The following ERCC6L2 variants were observed in gnomAD, a reference collection of about 807,000 sequenced individuals.
ERCC6L2 encodes the protein DNA excision repair protein ERCC-6-like 2.
A neutral mutation model predicts 132.0 loss-of-function variants in ERCC6L2; 77 were observed. The ratio of observed to expected loss-of-function variants is 0.58; its 90% confidence interval spans 0.49 to 0.71. The LOEUF (loss-of-function observed/expected upper bound fraction) is 0.71. Ranked by LOEUF, ERCC6L2 falls within the 30% of genes least tolerant of loss-of-function variation. The pLI is 0.00. For missense variants in ERCC6L2, 1,542 were observed against 1,837.6 expected (o/e 0.84, Z 2.94); for synonymous variants, 583 against 632.4 (o/e 0.92, Z 1.17).
At chr9:95,966,540 T>G (rs756666321) in intron 13 of ERCC6L2, 22 bp from the exon 14 acceptor site, 9 of 1,445,250 alleles carry the variant, frequency 6.2e-6, no homozygotes, top group Admixed American at 2.0e-5. Flanking sequence ...TTCAAAAATG[T>G]CTTGTGTTTT....
At chr9:95,935,636 A>G (rs1830521793) in intron 11 of ERCC6L2, among the ~76,000 whole-genome samples, 1 of 152,198 alleles carries the variant, frequency 6.6e-6, no homozygotes, top group Non-Finnish European at 1.5e-5. Flanking sequence ...AGGAAAAGTT[A>G]GCCAGGCAAA....
rs563871154 is a variant in ERCC6L2, at chr9:95,914,526, G to T, written c.789-1142G>T. 6.6e-5 allele frequency among the ~76,000 whole-genome samples: 10 copies of T among 152,088 alleles called. No homozygotes were observed. The South Asian group carries it at 1.9e-3, about 28-fold the overall frequency. ...ACGCCACCGCGCCCAGCTAATTTTT[G>T]TATTTTTAGTAGAGACAAGATTTCA... On this transcript the variant is annotated intron_variant, in intron 4 of 18. Coordinates refer to ENST00000653738, the MANE Select transcript of ERCC6L2 (RefSeq NM_020207.7).
At chr9:96,034,870 T>G (rs1834502009) in intron 19 of ERCC6L2, among the ~76,000 whole-genome samples, 2 of 151,272 alleles carry the variant, frequency 1.3e-5, no homozygotes, top group South Asian at 2.1e-4. Context: ...TGGATGAAGC[T>G]GCAACCACCT....
At chr9:95,885,867 T>C (rs1357155144) in intron 2 of ERCC6L2, among the ~76,000 whole-genome samples, 3 of 152,204 alleles carry the variant, frequency 2.0e-5, no homozygotes, top group Admixed American at 2.0e-4. Context: ...TAACAGATGC[T>C]TCAGGTAATT....
intron 6 of ERCC6L2, among the ~76,000 whole-genome samples, chr9:95,917,349 A>G (rs993552368): frequency 4.1e-4 from 62 of 152,202 alleles, no homozygotes; most frequent in African/African-American, 1.5e-3. Flanking sequence ...AGCTTGGGCA[A>G]TGGAATAAAG....
intron 17 of ERCC6L2, among the ~76,000 whole-genome samples, chr9:95,990,216 CAGAA>C (rs1458594599): frequency 1.3e-5 from 2 of 152,192 alleles, no homozygotes; most frequent in Non-Finnish European, 2.9e-5. Context: ...TTATTCTAGA[CAGAA>C]AGACTATTAT....
chr9:95,982,337 TTCTG>T (rs1832927101), intron 17 of ERCC6L2, among the ~76,000 whole-genome samples: 1 of 152,154 alleles, frequency 6.6e-6, no homozygotes, highest in African/African-American at 2.4e-5. Context: ...TAGATTGGCA[TTCTG>T]TAGATTACTT....
chr9:96,036,151 C>T (rs565270895), intron 19 of ERCC6L2, among the ~76,000 whole-genome samples: 18 of 152,260 alleles, frequency 1.2e-4, no homozygotes, highest in South Asian at 2.1e-4. Context: ...GTCTCCAGAA[C>T]GCTTTCCTTT....
In ERCC6L2 at chr9:95,921,237, G is replaced by A; in HGVS notation, c.1221G>A (p.Glu407=). Residue 407 remains glutamate, a synonymous_variant, in exon 7 of 19, where the codon GAG becomes GAA. Coordinates refer to ENST00000653738, the MANE Select transcript of ERCC6L2 (RefSeq NM_020207.7). The stretch of plus-strand genomic sequence containing the variant: ...TCTATCAAACAGTGTTAGAAACAGA[G>A]GACGTGACTTTGATACTTCAATCTT... ...KAVYQTVLET[E]DVTLILQSSE... is the part of the protein sequence containing the mutation. 3 of 1,613,314 alleles carry A rather than the reference G, an allele frequency of 1.9e-6. No homozygotes were observed. The highest frequency in any genetic ancestry group is 2.5e-6 in the Non-Finnish European group (3 of 1,179,430).
In ERCC6L2 at chr9:95,921,155, C is replaced by G; in HGVS notation, c.1159-20C>G. On this transcript the variant is annotated intron_variant, in intron 6 of 18. Transcript: ENST00000653738. ...TTATAAACAAAATACTAATAACTAC[C>G]TTGTATTTTATCTTGGCAGATGGTG... The G allele has an allele frequency of 6.3e-7, 1 of 1,585,810 alleles. No homozygotes were observed. The highest frequency in any genetic ancestry group is 8.6e-7 in the Non-Finnish European group (1 of 1,163,302).
chr9:95,932,110 G>A (rs1243165962), intron 11 of ERCC6L2, among the ~76,000 whole-genome samples: 1 of 150,504 alleles, frequency 6.6e-6, no homozygotes, highest in East Asian at 1.9e-4. Context: ...TCACTCTGTG[G>A]CCCAGGCTGT....
chr9:95,940,611 T>C (rs1464852955), intron 11 of ERCC6L2, among the ~76,000 whole-genome samples: 6 of 152,220 alleles, frequency 3.9e-5, no homozygotes, highest in Admixed American at 2.6e-4. Context: ...TATAATACCA[T>C]TATACTCAGT....
In ERCC6L2 at chr9:96,015,402, G is replaced by A. The variant is rs1337271982; in HGVS notation, c.*2199G>A. ...GGGGTTTCACCATGTTGGCCAGGCT[G>A]GTCTCAATCTCCTGGCTGCAAGCGA... is the stretch of plus-strand genomic sequence containing the variant. On this transcript the variant is annotated 3_prime_UTR_variant, in exon 19 of 19. Transcript: ENST00000653738. Among the ~76,000 whole-genome samples the A allele has an allele frequency of 1.3e-5, 2 of 151,780 alleles. No homozygotes were observed. The highest frequency in any genetic ancestry group is 1.3e-4 in the Admixed American group (2 of 15,262).
At chr9:95,880,776 A>G in intron 1 of ERCC6L2, 93 bp from the exon 2 acceptor site, 1 of 1,115,600 alleles carries the variant, frequency 9.0e-7, no homozygotes, top group South Asian at 1.7e-5. Flanking sequence ...AAAGGCATTT[A>G]TGTGAGGTAT....
chr9:95,965,804 C>T (rs762626549), intron 13 of ERCC6L2, among the ~76,000 whole-genome samples: 2 of 152,188 alleles, frequency 1.3e-5, no homozygotes, highest in Non-Finnish European at 2.9e-5. Context: ...AGCCATTGCA[C>T]CCGGCCCTTA....
intron 4 of ERCC6L2, among the ~76,000 whole-genome samples, chr9:95,911,307 C>G (rs183667625): frequency 1.6e-3 from 248 of 152,224 alleles, no homozygotes; most frequent in African/African-American, 5.7e-3. Context: ...TTATTTCTTA[C>G]CTGTCTGTCC....
intron 18 of ERCC6L2, among the ~76,000 whole-genome samples, chr9:96,011,786 T>C (rs73536562): frequency 0.014 from 2,092 of 152,268 alleles, 63 homozygotes; most frequent in African/African-American, 0.048. Context: ...GGGAAAAAAA[T>C]GTCTTTCTTA....
chr9:96,026,938 TACAACACACTACACCAAACAC>T (rs1834381116), intron 19 of ERCC6L2, among the ~76,000 whole-genome samples: 1 of 80,260 alleles, frequency 1.2e-5, no homozygotes, highest in African/African-American at 5.3e-5. Flanking sequence ...ACCCCACACA[TACAACACACTACACCAAACAC>T]ACCACACCGC....
intron 17 of ERCC6L2, among the ~76,000 whole-genome samples, chr9:95,983,978 C>A (rs1047364687): frequency 6.6e-6 from 1 of 151,872 alleles, no homozygotes; most frequent in African/African-American, 2.4e-5. Flanking sequence ...TATGACAAAC[C>A]AGTCTTTTAA....
Sources: gnomAD v4.1 joint callset for allele counts (sites outside exome capture counted in the v4.1 genomes callset) on GRCh38, gnomAD v4.1.1 for gene constraint, MANE v1.5 for transcripts, NCBI Gene and HGNC (gene_info 2026-07-23, HGNC 2026-07-21) for gene names.